Variants in RBFOX1 observed in about 807,000 individuals in gnomAD.
RBFOX1 encodes the protein RNA binding fox-1 homolog 1, also known as RNA binding protein fox-1 homolog 1.
In RBFOX1, 8 loss-of-function variants were observed where a neutral mutation model predicts 57.7. That is an observed-to-expected ratio of 0.14 (90% CI 0.08 to 0.25). The LOEUF (loss-of-function observed/expected upper bound fraction) is 0.25. RBFOX1 is among the 10% of genes least tolerant of loss of function. The pLI is 1.00. For missense variants in RBFOX1, 611 were observed against 548.5 expected (o/e 1.11, Z -1.14); for synonymous variants, 326 against 222.4 (o/e 1.47, Z -4.15).
chr16:6,613,003 AT>A (rs2098087126), intron 2 of RBFOX1, among the ~76,000 whole-genome samples: 169 of 143,246 alleles, frequency 1.2e-3, no homozygotes, highest in African/African-American at 4.2e-3. Flanking sequence ...CAGTCCCAGC[AT>A]GTGTGTGTGT....
At chr16:5,399,411 A>G (rs911373957) in intron 1 of RBFOX1, among the ~76,000 whole-genome samples, 2 of 152,252 alleles carry the variant, frequency 1.3e-5, no homozygotes, top group Non-Finnish European at 2.9e-5. Context: ...TTTCTCGTAG[A>G]AAATTTGGGA....
intron 2 of RBFOX1, among the ~76,000 whole-genome samples, chr16:6,614,104 G>T (rs780311320): frequency 6.6e-5 from 10 of 152,088 alleles, no homozygotes; most frequent in Non-Finnish European, 2.9e-5. Context: ...TAACGAATAG[G>T]TAATATTTTT....
chr16:7,141,577 A>G (rs2073801040), intron 4 of RBFOX1, among the ~76,000 whole-genome samples: 1 of 152,152 alleles, frequency 6.6e-6, no homozygotes, highest in South Asian at 2.1e-4. Context: ...GGGGCCATTT[A>G]TGGCTCCCTG....
intron 4 of RBFOX1, among the ~76,000 whole-genome samples, chr16:7,216,671 TTA>T: frequency 1.3e-5 from 1 of 75,018 alleles, no homozygotes; most frequent in East Asian, 1.6e-3. Flanking sequence ...AAAATAAAAA[TTA>T]AAAAACCCAC....
intron 5 of RBFOX1, among the ~76,000 whole-genome samples, chr16:7,540,234 C>A (rs991626065): frequency 6.6e-6 from 1 of 152,170 alleles, no homozygotes; most frequent in African/African-American, 2.4e-5. Flanking sequence ...TTTGTTTTCT[C>A]CAGATCTCGC....
chr16:5,790,869 T>TTG lies in RBFOX1; in HGVS notation c.319-76433_319-76432insGT, dbSNP rs1555528353. Among the ~76,000 whole-genome samples the TTG allele has an allele frequency of 1.2e-3, 158 of 131,848 alleles. 1 individual carries two copies. Among genetic ancestry groups the TTG allele is most frequent in the African/African-American group, 4.5e-3 (146 of 32,466 alleles). 86.5% of individuals were successfully genotyped at this position (131,848 alleles called of 152,430 possible). A position where few individuals can be genotyped will look rare whatever the true frequency, so the allele number is the denominator to read the frequency against. ...AGATGGTGGGTCTTTATTTTTTTTT[T>TTG]TTTTGTTTTTTTTTTTTGAGACATG... On this transcript the variant is annotated intron_variant, in intron 3 of 19. Coordinates refer to the RBFOX1 transcript ENST00000641259.
At chr16:7,587,182 A>G in intron 6 of RBFOX1, 65 bp from the exon 7 acceptor site, 3 of 1,396,134 alleles carry the variant, frequency 2.1e-6, no homozygotes, top group South Asian at 1.9e-5. Flanking sequence ...AACAATTACT[A>G]CTGTACATAG....
intron 4 of RBFOX1, among the ~76,000 whole-genome samples, chr16:7,168,994 A>T (rs193245785): frequency 6.6e-6 from 1 of 152,232 alleles, no homozygotes; most frequent in African/African-American, 2.4e-5. Context: ...AATTAAGAGC[A>T]ATAAACTATA....
intron 1 of RBFOX1, among the ~76,000 whole-genome samples, chr16:6,195,182 A>G (rs1331127678): frequency 6.6e-5 from 10 of 152,314 alleles, no homozygotes; most frequent in African/African-American, 2.4e-4. Flanking sequence ...CCTTTATAAA[A>G]TGCCTTCTTA....
chr16:6,510,005 T>C (rs2096216776), intron 2 of RBFOX1, among the ~76,000 whole-genome samples: 1 of 152,074 alleles, frequency 6.6e-6, no homozygotes, highest in South Asian at 2.1e-4. Context: ...CACATGCGAT[T>C]CAGGGCAGGG....
chr16:6,033,283 G>A (rs1156975254), intron 1 of RBFOX1, among the ~76,000 whole-genome samples: 2 of 152,184 alleles, frequency 1.3e-5, no homozygotes, highest in African/African-American at 4.8e-5. Context: ...GGCAGGGAAT[G>A]ATGTATGTTA....
At chr16:7,210,568 A>T (rs2090930673) in intron 4 of RBFOX1, among the ~76,000 whole-genome samples, 1 of 152,130 alleles carries the variant, frequency 6.6e-6, no homozygotes, top group Non-Finnish European at 1.5e-5. Context: ...CTGTATTCTA[A>T]CCAGGTTGAC....
chr16:6,121,588 G>A (rs1041574942), intron 1 of RBFOX1, among the ~76,000 whole-genome samples: 3 of 152,024 alleles, frequency 2.0e-5, no homozygotes, highest in African/African-American at 7.2e-5. Context: ...TGCCTGCCTT[G>A]TCTAAGGGAG....
chr16:6,723,157 C>G (rs1423513411), intron 3 of RBFOX1, among the ~76,000 whole-genome samples: 1 of 152,156 alleles, frequency 6.6e-6, no homozygotes, highest in Non-Finnish European at 1.5e-5. Context: ...TCAGTAGTAG[C>G]TAATATTTAG....
At chr16:5,457,319 G>C (rs1427557724) in intron 1 of RBFOX1, among the ~76,000 whole-genome samples, 1 of 152,170 alleles carries the variant, frequency 6.6e-6, no homozygotes, top group Non-Finnish European at 1.5e-5. Flanking sequence ...ATTTTTAGTA[G>C]AGATGGGGTT....
chr16:6,680,138 AC>A (rs1418719724), intron 3 of RBFOX1, among the ~76,000 whole-genome samples: 2 of 152,082 alleles, frequency 1.3e-5, no homozygotes, highest in Admixed American at 6.6e-5. Context: ...AAGGACTACC[AC>A]ATAGGGTTGT....
chr16:6,485,777 C>G (rs576576161), intron 2 of RBFOX1, among the ~76,000 whole-genome samples: 1 of 152,238 alleles, frequency 6.6e-6, no homozygotes, highest in East Asian at 1.9e-4. Context: ...CTTTATTGGA[C>G]TAAGCTTATT....
At chr16:7,350,143 T>C (rs2097101365) in intron 4 of RBFOX1, among the ~76,000 whole-genome samples, 1 of 151,904 alleles carries the variant, frequency 6.6e-6, no homozygotes, top group South Asian at 2.1e-4. Context: ...CCAAATTCCA[T>C]CTAAAAAATT....
At chr16:5,375,037 C>T (rs1386223754) in intron 1 of RBFOX1, among the ~76,000 whole-genome samples, 1 of 124,040 alleles carries the variant, frequency 8.1e-6, no homozygotes, top group Non-Finnish European at 1.5e-5. Flanking sequence ...CAGACACAGG[C>T]AGTAGTTCCT....
Sources: allele counts gnomAD v4.1 joint callset (sites outside exome capture counted in the v4.1 genomes callset), GRCh38; gene constraint gnomAD v4.1.1; transcripts MANE v1.5; gene names NCBI Gene and HGNC (gene_info 2026-07-23, HGNC 2026-07-21).